Variants in MMP15 observed in about 807,000 individuals in gnomAD.
MMP15 encodes the protein matrix metallopeptidase 15.
In MMP15, 36 loss-of-function variants were observed where a neutral mutation model predicts 65.0. The ratio of observed to expected loss-of-function variants is 0.55; its 90% CI spans 0.42 to 0.73. The LOEUF is 0.73. MMP15 is among the 30% of genes least tolerant of loss of function. The pLI is 0.00. For missense variants in MMP15, 870 were observed against 987.8 expected (o/e 0.88, Z 1.60); for synonymous variants, 428 against 410.2 (o/e 1.04, Z -0.52).
At chr16:58,036,083 C>T (rs914879986) in intron 1 of MMP15, among the ~76,000 whole-genome samples, 1 of 152,218 alleles carries the variant, frequency 6.6e-6, no homozygotes, top group East Asian at 1.9e-4. Context: ...CCTGGGCCCT[C>T]GGGGTGCAGC....
At chr16:58,031,251 G>C (rs1182272567) in intron 1 of MMP15, among the ~76,000 whole-genome samples, 1 of 152,186 alleles carries the variant, frequency 6.6e-6, no homozygotes. Flanking sequence ...GGGGTTGAAG[G>C]CTACAGGTCA....
chr16:58,028,189 A>G (rs1269339924), intron 1 of MMP15, among the ~76,000 whole-genome samples: 1 of 151,958 alleles, frequency 6.6e-6, no homozygotes. Context: ...TTCCAGTTCC[A>G]TCTCACCCCT....
intron 1 of MMP15, among the ~76,000 whole-genome samples, chr16:58,027,299 G>T (rs1354738914): frequency 6.6e-6 from 1 of 152,250 alleles, no homozygotes; most frequent in Non-Finnish European, 1.5e-5. Flanking sequence ...TCCCGCGGGT[G>T]ACCAGGCGCG....
At chr16:58,026,864 C>A (rs1286480846) in intron 1 of MMP15, among the ~76,000 whole-genome samples, 1 of 152,226 alleles carries the variant, frequency 6.6e-6, no homozygotes, top group African/African-American at 2.4e-5. Flanking sequence ...TCCAGGGCAG[C>A]CGATTCCTCG....
chr16:58,026,153 G>A lies in MMP15; in HGVS notation c.-198G>A, dbSNP rs1225513930. On this transcript the variant is annotated 5_prime_UTR_variant, in exon 1 of 10. Coordinates refer to ENST00000219271, the MANE Select transcript of MMP15 (RefSeq NM_002428.4). ...GCCCCCTTTCCCGCCGGCTGGTTCC[G>A]AGCTCCCGGACCTGCCCTGCCCGCT... 9.9e-6 allele frequency: 5 copies of A among 504,834 alleles called. No homozygotes were observed. The East Asian group carries it at 1.8e-4, about 18-fold the overall frequency. The allele number at this position is 504,834 out of a possible 1,614,324, so 31.3% of individuals were successfully genotyped here.
intron 1 of MMP15, among the ~76,000 whole-genome samples, chr16:58,027,122 A>C (rs117192415): frequency 0.014 from 2,137 of 152,294 alleles, 16 homozygotes; most frequent in Admixed American, 0.025. Flanking sequence ...TTTGCGAGGA[A>C]GCCTAGGCAC....
intron 4 of MMP15, 90 bp from the exon 5 acceptor site, chr16:58,040,447 C>A: frequency 6.8e-7 from 1 of 1,476,352 alleles, no homozygotes; most frequent in East Asian, 2.3e-5. Flanking sequence ...AGGGCAGGCT[C>A]TCTGGCAGCC....
rs1370792050 is a variant in MMP15 at position 58,026,056 on chromosome 16, T to C, written c.-295T>C. 3.6e-6 allele frequency: 1 copy of C among 274,044 alleles called. No homozygotes were observed. The allele number at this position is 274,044 out of a possible 1,614,324, so 17.0% of individuals were successfully genotyped here. On this transcript the variant is annotated 5_prime_UTR_variant, in exon 1 of 10. Transcript: ENST00000219271. ...CCAGACAAAGGCTCCGGAGTTGCGCTTGCTCTCGGGAGCCGGGCCCCAGGC... is the reference window on the plus strand; with the variant it reads ...CCAGACAAAGGCTCCGGAGTTGCGCCTGCTCTCGGGAGCCGGGCCCCAGGC...
rs763932886 is a variant in MMP15 at position 58,037,559 on chromosome 16, G to A, written c.250G>A (p.Ala84Thr). ...RSAQILASALAEMQRFYGIPV... is the reference protein window; with the variant it reads ...RSAQILASALTEMQRFYGIPV... ...CGCCCAGATCTTGGCCTCGGCCCTT[G>A]CAGAGATGCAGCGCTTCTACGGGAT... Residue 84 changes from alanine (A) to threonine (T), a missense_variant, in exon 2 of 10, where the codon GCA becomes ACA. Ala to Thr is a moderately conservative substitution (Grantham distance 58). Coordinates refer to ENST00000219271, the MANE Select transcript of MMP15 (RefSeq NM_002428.4). The A allele has an allele frequency of 1.2e-6, 2 of 1,614,202 alleles. No individual in the cohort carries two copies. The highest frequency in any genetic ancestry group is 2.2e-5 in the South Asian group (2 of 91,088).
rs1959373291 is a variant in MMP15, at chr16:58,038,144, A to G, written c.312-122A>G. The G allele has an allele frequency of 2.3e-6, 3 of 1,310,248 alleles. No individual in the cohort carries two copies. In the African/African-American group the frequency reaches 4.4e-5, roughly 19 times the overall value. The allele number at this position is 1,310,248 out of a possible 1,614,324, so 81.2% of individuals were successfully genotyped here. On this transcript the variant is annotated intron_variant, in intron 2 of 9. Coordinates refer to ENST00000219271, the MANE Select transcript of MMP15 (RefSeq NM_002428.4). Reference sequence around the variant, plus strand: ...TGGAAGTTGAAGCTGAGAGTCCCCCATCCCCACTGTGTCATAGGAGGGGCG... The same window carrying G: ...TGGAAGTTGAAGCTGAGAGTCCCCCGTCCCCACTGTGTCATAGGAGGGGCG...
At chr16:58,041,438 G>A (rs1248869105) in intron 5 of MMP15, among the ~76,000 whole-genome samples, 179 bp from the exon 6 acceptor site, 1 of 151,556 alleles carries the variant, frequency 6.6e-6, no homozygotes, top group Non-Finnish European at 1.5e-5. Flanking sequence ...AGATCGAGGA[G>A]GGGCTAGAAG....
intron 1 of MMP15, among the ~76,000 whole-genome samples, chr16:58,036,040 A>T (rs1959323753): frequency 1.3e-5 from 2 of 152,140 alleles, no homozygotes; most frequent in South Asian, 4.1e-4. Flanking sequence ...TGTCAGCCTA[A>T]AGCAACCACC....
intron 1 of MMP15, 42 bp from the exon 2 acceptor site, chr16:58,037,430 G>C: frequency 1.2e-6 from 2 of 1,602,468 alleles, no homozygotes; most frequent in Non-Finnish European, 1.7e-6. Flanking sequence ...TTTGGAGGTA[G>C]CAGTGCCAGG....
In MMP15 at chr16:58,039,901, G is replaced by T. The variant is rs1187288153; in HGVS notation, c.467G>T (p.Gly156Val). 1.2e-6 allele frequency: 2 copies of T among 1,607,680 alleles called. No individual in the cohort carries two copies. Among genetic ancestry groups the T allele is most frequent in the Non-Finnish European group, 1.7e-6 (2 of 1,175,230 alleles). The change falls in exon 4 of 10, where the codon GGC becomes GTC. Residue 156 changes from glycine to valine, a missense_variant. By Grantham distance (109) the Gly-to-Val change is moderately radical (BLOSUM62 -3). Coordinates refer to ENST00000219271, the MANE Select transcript of MMP15 (RefSeq NM_002428.4). ...ATCCAGAACTACACGGAGAAGTTGGGCTGGTACCACTCGATGGAGGCGGTG... is the reference window on the plus strand; with the variant it reads ...ATCCAGAACTACACGGAGAAGTTGGTCTGGTACCACTCGATGGAGGCGGTG... Reference protein sequence around the residue: ...FSIQNYTEKLGWYHSMEAVRR... With the variant: ...FSIQNYTEKLVWYHSMEAVRR...
At position 58,045,306 on chromosome 16, in the gene MMP15, G is replaced by A; in HGVS notation, c.1870G>A (p.Val624Met). Residue 624 changes from valine (V) to methionine (M), a missense_variant, in exon 10 of 10, where the codon GTG becomes ATG. Transcript: ENST00000219271. ...GCAGATGGAGGAGGTGGCACGGACG[G>A]TGAACGTGGTGATGGTGCTGGTGCC... ...VVQMEEVART[V>M]NVVMVLVPLL... is the part of the protein sequence containing the mutation. 6.2e-7 allele frequency: 1 copy of A among 1,610,182 alleles called. No homozygotes were observed. The highest frequency in any genetic ancestry group is 8.5e-7 in the Non-Finnish European group (1 of 1,179,278).
intron 1 of MMP15, among the ~76,000 whole-genome samples, chr16:58,035,148 C>G (rs966664592): frequency 6.6e-6 from 1 of 152,262 alleles, no homozygotes; most frequent in African/African-American, 2.4e-5. Context: ...CTAGATCTCC[C>G]TAAGCACCTT....
At chr16:58,041,929 C>G (rs1959466386) in intron 6 of MMP15, 59 bp downstream of exon 6, 2 of 1,510,640 alleles carry the variant, frequency 1.3e-6, no homozygotes, top group Admixed American at 4.5e-5. Flanking sequence ...TCTGGGCCCC[C>G]TGTCCCACCC....
chr16:58,034,050 C>T (rs1416873088), intron 1 of MMP15, among the ~76,000 whole-genome samples: 1 of 152,256 alleles, frequency 6.6e-6, no homozygotes, highest in Non-Finnish European at 1.5e-5. Flanking sequence ...GCAGAAGAAA[C>T]CAAGTCCTGC....
rs1373272287 is a variant in MMP15, at chr16:58,038,311, A to G, written c.357A>G (p.Val119=). The G allele has an allele frequency of 2.5e-6, 4 of 1,614,098 alleles. No individual in the cohort carries two copies. The East Asian group carries it at 8.9e-5, about 36-fold the overall frequency. ...PRCGVPDQFG[V]RVKANLRRRR... ...GTGGGGTGCCAGACCAGTTCGGGGT[A>G]CGAGTGAAAGCCAACCTGCGGCGGC... The change falls in exon 3 of 10, where the codon GTA becomes GTG. Residue 119 remains valine (V), a synonymous_variant. Coordinates refer to ENST00000219271, the MANE Select transcript of MMP15 (RefSeq NM_002428.4).
Sources: gnomAD v4.1 joint callset for allele counts (sites outside exome capture counted in the v4.1 genomes callset) on GRCh38, gnomAD v4.1.1 for gene constraint, MANE v1.5 for transcripts, NCBI Gene and HGNC (gene_info 2026-07-23, HGNC 2026-07-21) for gene names.